Variants in NPRL3 observed in about 807,000 individuals in gnomAD.
NPRL3 encodes the protein NPR3 like, GATOR1 complex subunit.
In NPRL3, 23 loss-of-function variants were observed where a neutral mutation model predicts 57.2. The ratio of observed to expected loss-of-function variants is 0.40; its 90% CI spans 0.29 to 0.57. NPRL3 has a LOEUF of 0.57. Among genes scored for constraint, NPRL3 ranks in the 20% least tolerant of loss-of-function variants. The pLI is 0.42. For missense variants in NPRL3, 691 were observed against 767.1 expected (o/e 0.90, Z 1.17); for synonymous variants, 333 against 321.1 (o/e 1.04, Z -0.39).
chr16:135,095 G>A (rs1901008920), intron 2 of NPRL3, among the ~76,000 whole-genome samples: 2 of 152,182 alleles, frequency 1.3e-5, no homozygotes, highest in South Asian at 2.1e-4. Context: ...AATTTAGCAC[G>A]ATAAAGAGAG....
chr16:110,299 A>T (rs1035688585), intron 7 of NPRL3, among the ~76,000 whole-genome samples: 3 of 132,362 alleles, frequency 2.3e-5, no homozygotes, highest in Admixed American at 7.4e-5. Context: ...AAATAGAAAT[A>T]AAAAATAAAC....
At chr16:98,578 G>A (rs1025324987) in intron 8 of NPRL3, among the ~76,000 whole-genome samples, 7 of 152,212 alleles carry the variant, frequency 4.6e-5, no homozygotes, top group African/African-American at 1.7e-4. Context: ...GGAGCCTCCT[G>A]GCCCTTAACT....
intron 9 of NPRL3, among the ~76,000 whole-genome samples, chr16:97,703 G>A (rs1432038351): frequency 6.6e-6 from 1 of 151,778 alleles, no homozygotes; most frequent in Non-Finnish European, 1.5e-5. Context: ...AGGGGCGTAA[G>A]GCCACCAGGT....
In NPRL3 at chr16:98,513, G is replaced by A. The variant is rs13339363; in HGVS notation, c.768-212C>T. Reference sequence around the variant, plus strand: ...ACCAGGTATGCACCAGGTCCTGCACGAGGTCCTGCACCGGGTGTGCATCAG... The same window carrying A: ...ACCAGGTATGCACCAGGTCCTGCACAAGGTCCTGCACCGGGTGTGCATCAG... On this transcript the variant is annotated intron_variant, in intron 8 of 13. Coordinates refer to ENST00000611875, the MANE Select transcript of NPRL3 (RefSeq NM_001077350.3). Among the ~76,000 whole-genome samples, 10,411 of 148,740 alleles carry A rather than the reference G, an allele frequency of 0.07. 1,169 individuals carry two copies. Among genetic ancestry groups the A allele is most frequent in the African/African-American group, 0.24 (9,765 of 39,968 alleles).
intron 10 of NPRL3, 115 bp downstream of exon 10, chr16:93,103 TG>T: frequency 1.4e-6 from 1 of 736,764 alleles, no homozygotes. Flanking sequence ...AGCCTGGCCT[TG>T]GGGCTTCCAC....
intron 2 of NPRL3, among the ~76,000 whole-genome samples, chr16:135,549 C>T (rs1901032234): frequency 7.2e-6 from 1 of 138,748 alleles, no homozygotes; most frequent in East Asian, 2.1e-4. Context: ...GCAGAGGTTG[C>T]AGTGAGCCAA....
At chr16:99,293 T>C (rs911737632) in intron 8 of NPRL3, among the ~76,000 whole-genome samples, 18 of 152,144 alleles carry the variant, frequency 1.2e-4, no homozygotes, top group Non-Finnish European at 7.4e-5. Flanking sequence ...TTCAAGGTAT[T>C]GGGGGACTTG....
At position 86,767 on chromosome 16, in the gene NPRL3, C is replaced by CGCT; in HGVS notation, c.1645_1647dup (p.Ser549dup). 1.9e-6 allele frequency: 3 copies of CGCT among 1,596,120 alleles called. No homozygotes were observed. Among genetic ancestry groups the CGCT allele is most frequent in the Non-Finnish European group, 2.6e-6 (3 of 1,172,208 alleles). On this transcript the variant is annotated inframe_insertion, in exon 14 of 14. Transcript: ENST00000611875. Reference sequence around the variant, plus strand: ...TCCTCGTGGGTGGTCACCACCAGCACGCTGCGGAACTTGTCAAACAGCATG... The same window carrying CGCT: ...TCCTCGTGGGTGGTCACCACCAGCACGCTGCTGCGGAACTTGTCAAACAGCATG...
intron 2 of NPRL3, among the ~76,000 whole-genome samples, chr16:132,894 C>T (rs1047346254): frequency 6.6e-6 from 1 of 152,110 alleles, no homozygotes; most frequent in African/African-American, 2.4e-5. Flanking sequence ...TGGTCTTGAT[C>T]TCCTGACCTC....
intron 8 of NPRL3, among the ~76,000 whole-genome samples, chr16:99,188 C>T (rs1334407382): frequency 1.3e-5 from 2 of 152,162 alleles, no homozygotes; most frequent in African/African-American, 4.8e-5. Context: ...GCAAAGAGCA[C>T]GGACTGGGGA....
chr16:87,275 A>T (rs866185805), intron 13 of NPRL3, among the ~76,000 whole-genome samples: 1 of 151,780 alleles, frequency 6.6e-6, no homozygotes, highest in African/African-American at 2.4e-5. Context: ...TCAGTCACCC[A>T]GGCTAGATTG....
intron 8 of NPRL3, among the ~76,000 whole-genome samples, chr16:99,999 A>G (rs1382566508): frequency 1.3e-5 from 2 of 149,948 alleles, no homozygotes; most frequent in African/African-American, 5.0e-5. Context: ...AAAAAAGAAA[A>G]AGAAAATAAC....
At position 86,137 on chromosome 16, in the gene NPRL3, T is replaced by C. The variant is rs939972056; in HGVS notation, c.*568A>G. The C allele has an allele frequency of 4.4e-6, 1 of 227,784 alleles. No individual in the cohort carries two copies. The highest frequency in any genetic ancestry group is 8.5e-6 in the Non-Finnish European group (1 of 116,968). The allele number at this position is 227,784 out of a possible 1,614,324, so 14.1% of individuals were successfully genotyped here. A position where few individuals can be genotyped will look rare whatever the true frequency, so the allele number is the denominator to read the frequency against. Reference sequence around the variant, plus strand: ...CCAGGTCACAGCTTGGCTATGAGCCTGTTTGCGGCTTCTGTGGACTGTGGT... The same window carrying C: ...CCAGGTCACAGCTTGGCTATGAGCCCGTTTGCGGCTTCTGTGGACTGTGGT... On this transcript the variant is annotated 3_prime_UTR_variant, in exon 14 of 14. Transcript: ENST00000611875.
At chr16:117,479 C>G in intron 4 of NPRL3, 104 bp from the exon 5 acceptor site, 1 of 748,326 alleles carries the variant, frequency 1.3e-6, no homozygotes, top group Non-Finnish European at 2.2e-6. Context: ...AATACAGCAC[C>G]AAGGTCTTGG....
chr16:88,131 C>T (rs564903496), intron 13 of NPRL3, among the ~76,000 whole-genome samples: 9 of 152,326 alleles, frequency 5.9e-5, no homozygotes, highest in African/African-American at 1.9e-4. Flanking sequence ...GACCACTGAG[C>T]CACATCACCT....
chr16:122,700 C>G (rs1363611748), intron 3 of NPRL3, among the ~76,000 whole-genome samples: 7 of 152,262 alleles, frequency 4.6e-5, no homozygotes, highest in African/African-American at 1.4e-4. Flanking sequence ...AGAAAACAGG[C>G]CAGGACCTTC....
chr16:94,203 C>A (rs1016769948), intron 9 of NPRL3, among the ~76,000 whole-genome samples: 7 of 152,012 alleles, frequency 4.6e-5, no homozygotes, highest in African/African-American at 1.5e-4. Context: ...CTTGTGGACC[C>A]TTGAACATCA....
intron 9 of NPRL3, among the ~76,000 whole-genome samples, chr16:94,492 T>C (rs1898901900): frequency 6.6e-6 from 1 of 152,168 alleles, no homozygotes; most frequent in East Asian, 1.9e-4. Context: ...CTCATGCCTG[T>C]AGTCCCAGCA....
Position 92,696 on chromosome 16 carries a change from T to C in NPRL3, c.1061A>G (p.His354Arg), listed in dbSNP as rs1898813561. 2 of 1,613,534 alleles carry C rather than the reference T, an allele frequency of 1.2e-6. No homozygotes were observed. The highest frequency in any genetic ancestry group is 1.7e-6 in the Non-Finnish European group (2 of 1,179,776). ...LYSPLAEQFS[H>R]QFPSHDLPSV... ...CGGCAGGTCATGAGATGGGAACTGG[T>C]GGGAGAACTGCTCGGCCAGCGGGGA... Residue 354 changes from histidine (H) to arginine (R), a missense_variant, in exon 11 of 14, where the codon CAC (histidine) becomes CGC (arginine). His to Arg is a conservative substitution (Grantham distance 29). Coordinates refer to ENST00000611875, the MANE Select transcript of NPRL3 (RefSeq NM_001077350.3).
Sources: gnomAD v4.1 joint callset for allele counts (sites outside exome capture counted in the v4.1 genomes callset) on GRCh38, gnomAD v4.1.1 for gene constraint, MANE v1.5 for transcripts, NCBI Gene and HGNC (gene_info 2026-07-23, HGNC 2026-07-21) for gene names.